PAIP2: variants seen among roughly 807,000 people sequenced by gnomAD.
PAIP2 encodes polyadenylate-binding protein-interacting protein 2.
PAIP2 carries 7 observed loss-of-function variants against 14.8 expected under a neutral mutation model. The observed-to-expected ratio is 0.47, with a 90% confidence interval of 0.27 to 0.89. PAIP2 has a LOEUF of 0.89. Among genes scored for constraint, PAIP2 ranks in the 40% least tolerant of loss-of-function variants. PAIP2 has a pLI of 0.13. For missense variants in PAIP2, 122 were observed against 154.7 expected, an observed-to-expected ratio of 0.79 and a Z score of 1.12; for synonymous variants, 47 against 45.3, an observed-to-expected ratio of 1.04 and a Z score of -0.15.
chr5:139,368,143 G>C (rs1413564034), intron 3 of PAIP2, among the ~76,000 whole-genome samples: 1 of 152,178 alleles, frequency 6.6e-6, no homozygotes, highest in Non-Finnish European at 1.5e-5. Flanking sequence ...AGACCATCCT[G>C]GCTAACATGG....
At chr5:139,343,245 T>G (rs570543099) in intron 1 of PAIP2, 1 of 152,358 alleles carries the variant, frequency 6.6e-6, no homozygotes, top group East Asian at 1.9e-4. Context: ...AGTTGTGAAC[T>G]TGAATAAAAC....
intron 1 of PAIP2, among the ~76,000 whole-genome samples, chr5:139,351,059 C>T (rs1218976556): frequency 6.6e-6 from 1 of 151,966 alleles, no homozygotes; most frequent in African/African-American, 2.4e-5. Flanking sequence ...AAAGACTTCC[C>T]AGAAGCTGTA....
chr5:139,352,972 C>T (rs377261724), intron 1 of PAIP2, among the ~76,000 whole-genome samples: 465 of 151,538 alleles, frequency 3.1e-3, no homozygotes, highest in African/African-American at 0.011. Flanking sequence ...CAAAGTTAGC[C>T]GGGCGTGGTG....
At chr5:139,345,119 C>T (rs1259184672) in intron 1 of PAIP2, among the ~76,000 whole-genome samples, 1 of 152,038 alleles carries the variant, frequency 6.6e-6, no homozygotes. Context: ...GATCTCGGCT[C>T]ACTGCACGCT....
chr5:139,364,019 A>AAAGGAC, intron 2 of PAIP2, 97 bp downstream of exon 2: 1 of 1,062,664 alleles, frequency 9.4e-7, no homozygotes, highest in East Asian at 2.4e-5. Context: ...CTTTATGTAT[A>AAAGGAC]AAGTATGTAG....
intron 1 of PAIP2, 114 bp downstream of exon 1, chr5:139,342,094 T>C (rs558741728): frequency 6.5e-6 from 1 of 152,742 alleles, no homozygotes; most frequent in African/African-American, 2.4e-5. Context: ...ACCGAGTCCA[T>C]TGCGGCCTCC....
intron 1 of PAIP2, among the ~76,000 whole-genome samples, chr5:139,355,476 GTC>G (rs1288365938): frequency 6.6e-6 from 1 of 152,066 alleles, no homozygotes; most frequent in East Asian, 1.9e-4. Context: ...CCCACTATTT[GTC>G]TCTACTGATA....
chr5:139,365,000 C>T (rs1467953009), intron 3 of PAIP2: 1 of 231,940 alleles, frequency 4.3e-6, no homozygotes, highest in Non-Finnish European at 8.4e-6. Context: ...AAAAATTAGC[C>T]GGGCATGGTA....
At position 139,369,681 on chromosome 5, in the gene PAIP2, C is replaced by A. The variant is rs890632324; in HGVS notation, c.*883C>A. The A allele has an allele frequency of 6.6e-6, 1 of 152,430 alleles. No homozygotes were observed. Among genetic ancestry groups the A allele is most frequent in the African/African-American group, 2.4e-5 (1 of 41,490 alleles). 9.4% of individuals were successfully genotyped at this position (152,430 alleles called of 1,614,324 possible). On this transcript the variant is annotated 3_prime_UTR_variant, in exon 4 of 4. Coordinates refer to ENST00000265192, the MANE Select transcript of PAIP2 (RefSeq NM_016480.5). ...ATATTGTAAAAAAATTATATTTTTT[C>A]AAAAATATTTAAAAAAATAAATAAT...
In PAIP2 at chr5:139,363,744, T is replaced by G. The variant is rs755500323; in HGVS notation, c.-26-15T>G. The G allele has an allele frequency of 2.5e-6, 4 of 1,607,794 alleles. No individual in the cohort carries two copies. The Admixed American group carries it at 6.8e-5, about 27-fold the overall frequency. On this transcript the variant is annotated splice_polypyrimidine_tract_variant and intron_variant, in intron 1 of 3. Transcript: ENST00000265192. ...GAATGAGTAAGTAAATTAACTGTGC[T>G]GTTGTTCTTTTAAGGTTAAAAACGA...
intron 1 of PAIP2, among the ~76,000 whole-genome samples, chr5:139,362,544 G>A (rs947702471): frequency 5.9e-5 from 9 of 151,776 alleles, no homozygotes; most frequent in Non-Finnish European, 1.0e-4. Context: ...CGGAGTAGCT[G>A]GGATTACAGG....
At chr5:139,342,610 C>T (rs113408838) in intron 1 of PAIP2, 9,190 of 152,200 alleles carry the variant, frequency 0.06, 406 homozygotes, top group Non-Finnish European at 0.086. Context: ...AAAAAAGAAC[C>T]TTTGGGGTAC....
chr5:139,345,507 TA>T (rs1442735128), intron 1 of PAIP2, among the ~76,000 whole-genome samples: 1 of 151,964 alleles, frequency 6.6e-6, no homozygotes, highest in African/African-American at 2.4e-5. Flanking sequence ...AAAATACGAT[TA>T]AAAAATATGC....
chr5:139,357,870 T>C (rs1042341093), intron 1 of PAIP2, among the ~76,000 whole-genome samples: 1 of 152,148 alleles, frequency 6.6e-6, no homozygotes, highest in South Asian at 2.1e-4. Flanking sequence ...ACCTCCAACT[T>C]GTACCAAGAA....
At position 139,351,192 on chromosome 5, in the gene PAIP2, C is replaced by T. The variant is rs527559248; in HGVS notation, c.-27+9212C>T. On this transcript the variant is annotated intron_variant, in intron 1 of 3. Transcript: ENST00000265192. ...GCACCCAAACAGTATAATAGGAATG[C>T]GTATTGCCACATTTTTATAAATAAT... Among the ~76,000 whole-genome samples, 4 of 151,990 alleles carry T rather than the reference C, an allele frequency of 2.6e-5. No homozygotes were observed. In the South Asian group the frequency reaches 6.2e-4, roughly 24 times the overall value.
In PAIP2 at chr5:139,363,740, G is replaced by A. The variant is rs201355882; in HGVS notation, c.-26-19G>A. 2.7e-4 allele frequency: 439 copies of A among 1,605,418 alleles called. 1 individual carries two copies. Among genetic ancestry groups the A allele is most frequent in the Non-Finnish European group, 3.4e-4 (397 of 1,175,390 alleles). On this transcript the variant is annotated intron_variant, in intron 1 of 3. Transcript: ENST00000265192. ...CCCTGAATGAGTAAGTAAATTAACT[G>A]TGCTGTTGTTCTTTTAAGGTTAAAA...
At chr5:139,353,559 C>G (rs1310262290) in intron 1 of PAIP2, among the ~76,000 whole-genome samples, 1 of 151,938 alleles carries the variant, frequency 6.6e-6, no homozygotes, top group Non-Finnish European at 1.5e-5. Context: ...CAAGTGTATC[C>G]AAAAGACTAT....
intron 3 of PAIP2, among the ~76,000 whole-genome samples, chr5:139,365,676 A>G (rs1424734632): frequency 1.3e-5 from 2 of 151,468 alleles, no homozygotes; most frequent in Non-Finnish European, 2.9e-5. Flanking sequence ...AAAAAAAAAA[A>G]GGAAAAAGGA....
Position 139,355,463 on chromosome 5 carries a change from C to T in PAIP2, c.-26-8296C>T, listed in dbSNP as rs187077132. Among the ~76,000 whole-genome samples, 920 of 152,288 alleles carry T rather than the reference C, an allele frequency of 6.0e-3. 13 individuals carry two copies. The highest frequency in any genetic ancestry group is 0.018 in the African/African-American group (737 of 41,556). On this transcript the variant is annotated intron_variant, in intron 1 of 3. Transcript: ENST00000265192. The stretch of plus-strand genomic sequence containing the variant: ...CTGGGATTACAGGCGTAAGCCACCA[C>T]GGCCCACTATTTGTCTCTACTGATA...
Sources: gnomAD v4.1 joint callset for allele counts (sites outside exome capture counted in the v4.1 genomes callset) on GRCh38, gnomAD v4.1.1 for gene constraint, MANE v1.5 for transcripts, NCBI Gene and HGNC (gene_info 2026-07-23, HGNC 2026-07-21) for gene names.